The following DNAH9 variants were observed in gnomAD, a reference collection of about 807,000 sequenced individuals.
DNAH9 encodes DNAH9 variant protein.
DNAH9 carries 345 observed loss-of-function variants against 471.6 expected under a neutral mutation model. The observed-to-expected ratio is 0.73, with a 90% CI of 0.67 to 0.80. DNAH9 has a LOEUF of 0.80. DNAH9 is among the 30% of genes least tolerant of loss of function. The pLI is 0.00. For synonymous variants in DNAH9, 2,093 were observed against 2,123.6 expected (o/e 0.99, Z 0.40); for missense variants, 5,407 against 5,609.2 (o/e 0.96, Z 1.15).
intron 26 of DNAH9, among the ~76,000 whole-genome samples, chr17:11,716,573 T>TC (rs2074968075): frequency 6.6e-6 from 1 of 152,068 alleles, no homozygotes; most frequent in Non-Finnish European, 1.5e-5. Context: ...TTTTGACATT[T>TC]CCCCCAAAAG....
rs140324358 is a variant in DNAH9 at position 11,818,885 on chromosome 17, C to CTATTATTAT, written c.8708-3015_8708-3007dup. ...ACATCACAGTCTGTCTCCATTATTA[C>CTATTATTAT]TATTATTATTATTATTATTATTATT... is the stretch of plus-strand genomic sequence containing the variant. On this transcript the variant is annotated intron_variant, in intron 45 of 68. Transcript: ENST00000262442. Among the ~76,000 whole-genome samples, 314 of 147,204 alleles carry CTATTATTAT rather than the reference C, an allele frequency of 2.1e-3. 1 individual carries two copies. Among genetic ancestry groups the CTATTATTAT allele is most frequent in the Middle Eastern group, 7.1e-3 (2 of 282 alleles).
intron 33 of DNAH9, among the ~76,000 whole-genome samples, chr17:11,755,121 C>T (rs531797777): frequency 6.6e-6 from 1 of 152,264 alleles, no homozygotes; most frequent in South Asian, 2.1e-4. Context: ...TGTTGAAGAT[C>T]AGATGGTCAT....
intron 38 of DNAH9, among the ~76,000 whole-genome samples, chr17:11,770,421 G>A (rs10521187): frequency 0.043 from 6,467 of 150,780 alleles, 196 homozygotes; most frequent in African/African-American, 0.085. Context: ...TAGGATTAGG[G>A]TCTAGCCAAC....
intron 50 of DNAH9, among the ~76,000 whole-genome samples, chr17:11,865,475 C>G (rs367591567): frequency 2.6e-5 from 4 of 151,966 alleles, no homozygotes; most frequent in Non-Finnish European, 5.9e-5. Context: ...TTTCAACTTT[C>G]GTGAATCTGA....
intron 43 of DNAH9, among the ~76,000 whole-genome samples, chr17:11,805,538 T>C (rs1276787558): frequency 2.6e-5 from 2 of 76,486 alleles, no homozygotes; most frequent in African/African-American, 5.4e-5. Context: ...TTTTTTTTTT[T>C]TTTTTTTTTT....
intron 49 of DNAH9, among the ~76,000 whole-genome samples, chr17:11,853,641 G>T (rs748813858): frequency 1.5e-4 from 23 of 152,184 alleles, no homozygotes; most frequent in Non-Finnish European, 1.5e-4. Context: ...ATCCAAGATG[G>T]AAATTAATTT....
intron 38 of DNAH9, among the ~76,000 whole-genome samples, chr17:11,776,077 T>A (rs1968419896): frequency 6.6e-6 from 1 of 152,174 alleles, no homozygotes; most frequent in African/African-American, 2.4e-5. Context: ...ATGTTTACAG[T>A]TGGTCAACCC....
At chr17:11,753,448 T>C (rs567314530) in intron 33 of DNAH9, among the ~76,000 whole-genome samples, 4 of 152,262 alleles carry the variant, frequency 2.6e-5, no homozygotes, top group East Asian at 1.9e-4. Flanking sequence ...GCAGATCACC[T>C]GAGGTCAGGA....
chr17:11,949,220 T>G (rs1218212105), intron 67 of DNAH9, among the ~76,000 whole-genome samples: 2 of 152,292 alleles, frequency 1.3e-5, no homozygotes, highest in East Asian at 3.9e-4. Flanking sequence ...ATAGCCCTCC[T>G]ATCCTGAAAA....
chr17:11,641,730 G>T (rs563463970), intron 10 of DNAH9, among the ~76,000 whole-genome samples: 1 of 152,140 alleles, frequency 6.6e-6, no homozygotes, highest in African/African-American at 2.4e-5. Flanking sequence ...TGCCAGGGCT[G>T]CCCCTAGAAT....
intron 50 of DNAH9, among the ~76,000 whole-genome samples, chr17:11,865,388 C>T (rs1424252537): frequency 1.6e-4 from 24 of 151,890 alleles, no homozygotes; most frequent in South Asian, 1.3e-3. Context: ...CCGAGAGATC[C>T]GCTGTTAGTC....
At chr17:11,743,152 T>C (rs2075457167) in intron 30 of DNAH9, among the ~76,000 whole-genome samples, 1 of 152,182 alleles carries the variant, frequency 6.6e-6, no homozygotes, top group South Asian at 2.1e-4. Flanking sequence ...AGCCCAAGCT[T>C]CCTTCTCCTG....
At chr17:11,765,051 A>C (rs1403769526) in intron 36 of DNAH9, among the ~76,000 whole-genome samples, 1 of 152,238 alleles carries the variant, frequency 6.6e-6, no homozygotes, top group Non-Finnish European at 1.5e-5. Context: ...ACGTTAGGAA[A>C]GTAACTTAAC....
intron 23 of DNAH9, among the ~76,000 whole-genome samples, chr17:11,700,726 A>G (rs891165596): frequency 1.3e-5 from 2 of 152,168 alleles, no homozygotes; most frequent in Non-Finnish European, 2.9e-5. Flanking sequence ...AGACCCAGAA[A>G]GCATTGAGCT....
Position 11,871,665 on chromosome 17 carries a change from G to T in DNAH9, c.10121G>T (p.Arg3374Met), listed in dbSNP as rs1223305248. 1 of 1,614,214 alleles carries T rather than the reference G, an allele frequency of 6.2e-7. No individual in the cohort carries two copies. The highest frequency in any genetic ancestry group is 1.7e-5 in the Admixed American group (1 of 60,030). Residue 3374 changes from arginine (R) to methionine (M), a missense_variant, in exon 52 of 69, where the codon AGG becomes ATG. Transcript: ENST00000262442. Reference protein sequence around the residue: ...DAVQNFKQQERTLCGDILLIT... With the variant: ...DAVQNFKQQEMTLCGDILLIT... Reference sequence around the variant, plus strand: ...GTGCAGAACTTCAAACAGCAGGAAAGGACGTTATGTGGAGACATTTTACTT... The same window carrying T: ...GTGCAGAACTTCAAACAGCAGGAAATGACGTTATGTGGAGACATTTTACTT...
intron 26 of DNAH9, among the ~76,000 whole-genome samples, chr17:11,717,072 GT>G (rs1299813348): frequency 6.6e-6 from 1 of 152,268 alleles, no homozygotes; most frequent in Non-Finnish European, 1.5e-5. Context: ...AATGGTAACA[GT>G]GGCCAAGAAG....
At chr17:11,714,870 G>T (rs1042982359) in intron 26 of DNAH9, among the ~76,000 whole-genome samples, 1 of 152,112 alleles carries the variant, frequency 6.6e-6, no homozygotes, top group Non-Finnish European at 1.5e-5. Context: ...ATTCTGCCAA[G>T]AACCTGAATG....
chr17:11,795,162 C>T (rs1969199100), intron 42 of DNAH9, among the ~76,000 whole-genome samples: 1 of 151,864 alleles, frequency 6.6e-6, no homozygotes, highest in South Asian at 2.1e-4. Context: ...TGTATTGGAC[C>T]CTAAAATTCT....
Position 11,881,324 on chromosome 17 carries a change from A to T in DNAH9, c.10717A>T (p.Ile3573Phe). 6.2e-7 allele frequency: 1 copy of T among 1,614,132 alleles called. No homozygotes were observed. The highest frequency in any genetic ancestry group is 8.5e-7 in the Non-Finnish European group (1 of 1,180,022). Residue 3573 changes from isoleucine to phenylalanine, a missense_variant, in exon 55 of 69, where the codon ATC (isoleucine) becomes TTC (phenylalanine). This residue lies in a region of DNAH9 where 4,636 missense variants were observed against 4,900.3 expected (regional missense o/e 0.95). Transcript: ENST00000262442. ...TGAGCTGCAGGCTCAGGCCACCCTGATCAACTTCACCGTGACCAGGGATGG... is the reference window on the plus strand; with the variant it reads ...TGAGCTGCAGGCTCAGGCCACCCTGTTCAACTTCACCGTGACCAGGGATGG... Reference protein sequence around the residue: ...QPELQAQATLINFTVTRDGLE... With the variant: ...QPELQAQATLFNFTVTRDGLE...
Sources: gnomAD v4.1 joint callset for allele counts (sites outside exome capture counted in the v4.1 genomes callset) on GRCh38, gnomAD v4.1.1 for gene constraint, gnomAD v4.1.1 regional missense constraint, MANE v1.5 for transcripts, NCBI Gene and HGNC (gene_info 2026-07-23, HGNC 2026-07-21) for gene names.